The following ANXA4 variants were observed in gnomAD, a reference collection of about 807,000 sequenced individuals.
ANXA4 encodes 35-beta calcimedin.
In ANXA4, 39 loss-of-function variants were observed where a neutral mutation model predicts 49.8. The observed-to-expected ratio is 0.78, with a 90% CI of 0.61 to 1.02. The LOEUF (loss-of-function observed/expected upper bound fraction) is 1.02. ANXA4 is among the 50% of genes least tolerant of loss of function. The probability of loss-of-function intolerance (pLI) is 0.00; values close to 1 mark genes in which losing one functional copy is unlikely to be tolerated. For synonymous variants in ANXA4, 134 were observed against 152.5 expected (o/e 0.88, Z 0.89); for missense variants, 360 against 410.1 (o/e 0.88, Z 1.05).
chr2:69,822,553 A>G (rs548696378), intron 12 of ANXA4, among the ~76,000 whole-genome samples: 27 of 152,354 alleles, frequency 1.8e-4, no homozygotes, highest in African/African-American at 6.0e-4. Flanking sequence ...ATGTATATAC[A>G]TACATAAAAA....
chr2:69,675,183 A>G (rs978015308), intron 2 of ANXA4, among the ~76,000 whole-genome samples: 7 of 152,100 alleles, frequency 4.6e-5, no homozygotes, highest in African/African-American at 1.7e-4. Flanking sequence ...TGGCCTCCCA[A>G]AGTGCTGGGA....
intron 3 of ANXA4, among the ~76,000 whole-genome samples, chr2:69,798,070 G>A (rs778501641): frequency 5.9e-5 from 9 of 152,166 alleles, no homozygotes; most frequent in Non-Finnish European, 1.3e-4. Context: ...GGGGCTATCC[G>A]GTCCGACTGG....
chr2:69,751,939 G>A (rs1056182189), intron 1 of ANXA4, among the ~76,000 whole-genome samples: 1 of 152,174 alleles, frequency 6.6e-6, no homozygotes, highest in African/African-American at 2.4e-5. Flanking sequence ...GACTCAGGGA[G>A]ATAAGTAAAT....
upstream of ANXA4, among the ~76,000 whole-genome samples, chr2:69,739,533 G>A (rs1670330618): frequency 6.6e-6 from 1 of 151,856 alleles, no homozygotes; most frequent in Non-Finnish European, 1.5e-5. Flanking sequence ...AGCCTCCCCA[G>A]TAGCTGGGAC....
intron 2 of ANXA4, among the ~76,000 whole-genome samples, chr2:69,674,829 TA>T (rs893737421): frequency 4.0e-5 from 6 of 151,376 alleles, no homozygotes; most frequent in African/African-American, 1.5e-4. Context: ...CCTCTTACAA[TA>T]AAAAATAATT....
chr2:69,733,990 G>C (rs1305537725), intron 3 of ANXA4, among the ~76,000 whole-genome samples: 2 of 151,456 alleles, frequency 1.3e-5, no homozygotes, highest in Admixed American at 6.6e-5. Flanking sequence ...CTGAATCAAT[G>C]AGCTAATTCT....
At chr2:69,669,112 T>G (rs1207860774) in intron 2 of ANXA4, among the ~76,000 whole-genome samples, 1 of 151,380 alleles carries the variant, frequency 6.6e-6, no homozygotes, top group Non-Finnish European at 1.5e-5. Flanking sequence ...ATCTGGCTAA[T>G]TTTTGTATTT....
chr2:69,725,227 CAT>C (rs1559114074), intron 3 of ANXA4, among the ~76,000 whole-genome samples: 1 of 152,010 alleles, frequency 6.6e-6, no homozygotes, highest in African/African-American at 2.4e-5. Context: ...AGAGATATAA[CAT>C]ATTAACATAT....
chr2:69,703,707 A>G (rs1212519961), intron 2 of ANXA4, among the ~76,000 whole-genome samples: 1 of 152,226 alleles, frequency 6.6e-6, no homozygotes, highest in Non-Finnish European at 1.5e-5. Flanking sequence ...CATGGATTAG[A>G]AATGTCACCA....
chr2:69,765,644 G>A lies in ANXA4; in HGVS notation c.-46-15876G>A, dbSNP rs533713196. 5.3e-5 allele frequency among the ~76,000 whole-genome samples: 8 copies of A among 152,254 alleles called. No homozygotes were observed. The East Asian group carries it at 7.7e-4, about 15-fold the overall frequency. On this transcript the variant is annotated intron_variant, in intron 1 of 12. Transcript: ENST00000394295. ...ATATATTAGCTTTGTTCGTTCTAGC[G>A]TTTCATGTAAATACTTTGTTTGGCT...
chr2:69,800,943 TCACGGTGAAATG>T (rs1473649740), intron 3 of ANXA4, among the ~76,000 whole-genome samples: 2 of 152,134 alleles, frequency 1.3e-5, no homozygotes, highest in African/African-American at 2.4e-5. Flanking sequence ...GGTTACCAAT[TCACGGTGAAATG>T]CAGAGGGGTT....
upstream of ANXA4, among the ~76,000 whole-genome samples, chr2:69,741,400 C>G (rs1351155327): frequency 6.6e-6 from 1 of 152,186 alleles, no homozygotes; most frequent in East Asian, 1.9e-4. Context: ...GGGATGAGCG[C>G]CGCGCCAAGC....
chr2:69,656,385 A>ATATG lies in ANXA4; in HGVS notation n.766+3105_766+3108dup, dbSNP rs1191323309. Among the ~76,000 whole-genome samples the ATATG allele has an allele frequency of 3.1e-4, 27 of 87,088 alleles. 2 individuals carry two copies. In the East Asian group the frequency reaches 0.014, roughly 45 times the overall value. The allele number at this position is 87,088 out of a possible 152,430, so 57.1% of individuals were successfully genotyped here. A position where few individuals can be genotyped will look rare whatever the true frequency, so the allele number is the denominator to read the frequency against. ...TATATATGTGTATATATGTGTATAT[A>ATATG]TATGTGTATATATATGTATATATAT... On this transcript the variant is annotated intron_variant and non_coding_transcript_variant, in intron 2 of 3. Transcript: ENST00000418066.
chr2:69,770,580 A>G (rs1002505803), intron 1 of ANXA4, among the ~76,000 whole-genome samples: 1 of 152,146 alleles, frequency 6.6e-6, no homozygotes, highest in Admixed American at 6.5e-5. Context: ...GAGGCCGCCA[A>G]GTTGTGGTGG....
At position 69,814,084 on chromosome 2, in the gene ANXA4, A is replaced by ACATACAACCCAGTATG. The variant is rs1673842468; in HGVS notation, c.534+1375_534+1376insCATACAACCCAGTATG. Among the ~76,000 whole-genome samples the ACATACAACCCAGTATG allele has an allele frequency of 2.0e-5, 3 of 152,196 alleles. No individual in the cohort carries two copies. In the South Asian group the frequency reaches 6.2e-4, roughly 32 times the overall value. ...TAGACCCAGTATTCTTAACCAATAC[A>ACATACAACCCAGTATG]TAACCATAATGAGGGATTGGTTCCA... On this transcript the variant is annotated intron_variant, in intron 8 of 12. Coordinates refer to ENST00000394295, the MANE Select transcript of ANXA4 (RefSeq NM_001153.5).
At chr2:69,671,267 G>C (rs1345079200) in intron 2 of ANXA4, among the ~76,000 whole-genome samples, 1 of 152,010 alleles carries the variant, frequency 6.6e-6, no homozygotes, top group African/African-American at 2.4e-5. Flanking sequence ...ACCATAAAAT[G>C]CATAAAATGA....
intron 1 of ANXA4, among the ~76,000 whole-genome samples, chr2:69,751,875 T>G (rs1670856564): frequency 6.6e-6 from 1 of 152,214 alleles, no homozygotes; most frequent in Non-Finnish European, 1.5e-5. Context: ...AAGGTGCATT[T>G]ATTTATTATA....
intron 3 of ANXA4, among the ~76,000 whole-genome samples, chr2:69,724,260 A>T (rs778192578): frequency 2.0e-5 from 3 of 152,184 alleles, no homozygotes; most frequent in African/African-American, 4.8e-5. Context: ...GCTGTGGGCA[A>T]ATGAGGTGCC....
Position 69,709,981 on chromosome 2 carries a change from CTTT to C in ANXA4, n.767-10772_767-10770del, listed in dbSNP as rs974347199. On this transcript the variant is annotated intron_variant and non_coding_transcript_variant, in intron 2 of 3. Transcript: ENST00000418066. ...TATTATGGCAGCATGCACTTCCAGG[CTTT>C]TTTTTTTTTTTTTTTTTTTTGAGAC... Among the ~76,000 whole-genome samples the C allele has an allele frequency of 2.7e-4, 26 of 97,020 alleles. No homozygotes were observed. In the South Asian group the frequency reaches 6.7e-3, roughly 25 times the overall value. 63.6% of individuals were successfully genotyped at this position (97,020 alleles called of 152,430 possible).
Sources: allele counts gnomAD v4.1 joint callset (sites outside exome capture counted in the v4.1 genomes callset), GRCh38; gene constraint gnomAD v4.1.1; transcripts MANE v1.5; gene names NCBI Gene and HGNC (gene_info 2026-07-23, HGNC 2026-07-21).